The following HCN1 variants were observed in gnomAD, a reference collection of about 807,000 sequenced individuals.
HCN1 encodes the protein hyperpolarization activated cyclic nucleotide gated potassium channel 1, also known as potassium/sodium hyperpolarization-activated cyclic nucleotide-gated channel 1.
A neutral mutation model predicts 78.9 loss-of-function variants in HCN1; 13 were observed. The observed-to-expected ratio is 0.16, with a 90% CI of 0.11 to 0.26. HCN1 has a LOEUF of 0.26. HCN1 is among the 10% of genes least tolerant of loss of function. The pLI is 1.00. For synonymous variants in HCN1, 552 were observed against 455.5 expected (o/e 1.21, Z -2.70); for missense variants, 810 against 1,154.3 (o/e 0.70, Z 4.32).
chr5:45,306,222 A>G (rs1745731031), intron 5 of HCN1, among the ~76,000 whole-genome samples: 1 of 152,134 alleles, frequency 6.6e-6, no homozygotes. Flanking sequence ...TCATATAAAA[A>G]TAATAGAGAA....
At chr5:45,683,967 G>T (rs940692026) in intron 1 of HCN1, among the ~76,000 whole-genome samples, 1 of 152,086 alleles carries the variant, frequency 6.6e-6, no homozygotes, top group African/African-American at 2.4e-5. Context: ...CACCGTGCCT[G>T]GTCCCGCTTC....
chr5:45,423,644 T>A (rs1205501421), intron 3 of HCN1, among the ~76,000 whole-genome samples: 3 of 152,216 alleles, frequency 2.0e-5, no homozygotes, highest in African/African-American at 7.2e-5. Context: ...AGACTTGCTA[T>A]ACAAATTCTC....
intron 3 of HCN1, among the ~76,000 whole-genome samples, chr5:45,450,367 A>G (rs1740892310): frequency 6.6e-6 from 1 of 152,230 alleles, no homozygotes; most frequent in Non-Finnish European, 1.5e-5. Flanking sequence ...AATAGAAGGT[A>G]GTACAAGTAA....
intron 2 of HCN1, among the ~76,000 whole-genome samples, chr5:45,547,461 T>A (rs887889107): frequency 2.1e-4 from 32 of 152,078 alleles, no homozygotes; most frequent in African/African-American, 7.2e-4. Context: ...ATGCGTTTAA[T>A]ACTAGCGGAG....
intron 1 of HCN1, among the ~76,000 whole-genome samples, chr5:45,684,882 A>C (rs1157112616): frequency 6.6e-6 from 1 of 152,190 alleles, no homozygotes; most frequent in African/African-American, 2.4e-5. Context: ...TAAACAAAAA[A>C]CTAATCAAGT....
chr5:45,367,826 G>T (rs1458926980), intron 4 of HCN1, among the ~76,000 whole-genome samples: 1 of 151,862 alleles, frequency 6.6e-6, no homozygotes, highest in Non-Finnish European at 1.5e-5. Flanking sequence ...AAACTTCACA[G>T]CAATAATTGA....
At chr5:45,398,068 G>GA (rs1739719520) in intron 3 of HCN1, among the ~76,000 whole-genome samples, 1 of 151,674 alleles carries the variant, frequency 6.6e-6, no homozygotes, top group South Asian at 2.1e-4. Context: ...TAGGCTGTGA[G>GA]ATTAGGGTCA....
At chr5:45,271,111 G>A (rs920339094) in intron 6 of HCN1, among the ~76,000 whole-genome samples, 9 of 152,090 alleles carry the variant, frequency 5.9e-5, no homozygotes, top group African/African-American at 1.4e-4. Context: ...AAATGTGTAC[G>A]TGTGTTATGA....
chr5:45,685,476 G>A (rs1229135640), intron 1 of HCN1, among the ~76,000 whole-genome samples: 1 of 152,176 alleles, frequency 6.6e-6, no homozygotes, highest in South Asian at 2.1e-4. Context: ...CACTTTAGGA[G>A]GCCGAGCCGG....
intron 1 of HCN1, among the ~76,000 whole-genome samples, chr5:45,661,110 G>T (rs1000768560): frequency 1.3e-5 from 2 of 148,710 alleles, no homozygotes; most frequent in African/African-American, 5.0e-5. Flanking sequence ...CTGTCTCTCA[G>T]ACCACGGTGC....
At chr5:45,455,636 G>T (rs1579906481) in intron 3 of HCN1, among the ~76,000 whole-genome samples, 1 of 151,668 alleles carries the variant, frequency 6.6e-6, no homozygotes, top group East Asian at 1.9e-4. Context: ...AGGGGTTGAG[G>T]TAATTCCGAT....
chr5:45,313,499 A>G lies in HCN1; in HGVS notation c.1378-9660T>C, dbSNP rs192306285. 6.6e-4 allele frequency among the ~76,000 whole-genome samples: 101 copies of G among 152,348 alleles called. 1 individual carries two copies. In the East Asian group the frequency reaches 0.012, roughly 18 times the overall value. ...AGGAATGCAGCTCCTCGCCAGCACC[A>G]GAACAAAGCTGGATGGAGAATGACT... On this transcript the variant is annotated intron_variant, in intron 5 of 7. Coordinates refer to ENST00000303230, the MANE Select transcript of HCN1 (RefSeq NM_021072.4).
chr5:45,300,488 A>G (rs1255961364), intron 6 of HCN1, among the ~76,000 whole-genome samples: 2 of 152,116 alleles, frequency 1.3e-5, no homozygotes, highest in Non-Finnish European at 2.9e-5. Context: ...AATAGTAAAT[A>G]TATTTTCTCT....
In HCN1 at chr5:45,314,406, A is replaced by C. The variant is rs1430397774; in HGVS notation, c.1378-10567T>G. ...ACGACCGGTACCAGCCATTGCAAAA[A>C]CATGCCACATTGTAAAGACCGTCAA... On this transcript the variant is annotated intron_variant, in intron 5 of 7. Coordinates refer to ENST00000303230, the MANE Select transcript of HCN1 (RefSeq NM_021072.4). Among the ~76,000 whole-genome samples the C allele has an allele frequency of 2.6e-5, 4 of 152,208 alleles. No homozygotes were observed. The East Asian group carries it at 7.7e-4, about 29-fold the overall frequency.
intron 5 of HCN1, among the ~76,000 whole-genome samples, chr5:45,334,056 C>G (rs572030877): frequency 6.6e-6 from 1 of 151,838 alleles, no homozygotes; most frequent in African/African-American, 2.4e-5. Flanking sequence ...TTACTTACCT[C>G]TTTTCTCCAA....
chr5:45,562,510 A>AAACT (rs1172510134), intron 2 of HCN1, among the ~76,000 whole-genome samples: 39 of 104,770 alleles, frequency 3.7e-4, no homozygotes, highest in Non-Finnish European at 6.4e-4. Flanking sequence ...CATGTCTACA[A>AAACT]AACAAACAAA....
intron 5 of HCN1, among the ~76,000 whole-genome samples, chr5:45,339,695 A>G (rs1403130253): frequency 6.6e-6 from 1 of 152,138 alleles, no homozygotes; most frequent in Non-Finnish European, 1.5e-5. Context: ...CAGGGAGAAA[A>G]GTTGTGACAG....
intron 3 of HCN1, among the ~76,000 whole-genome samples, chr5:45,419,139 C>T (rs530857451): frequency 6.6e-6 from 1 of 152,186 alleles, no homozygotes; most frequent in Non-Finnish European, 1.5e-5. Flanking sequence ...TTACAAGCTT[C>T]CTATGTTGAA....
intron 2 of HCN1, among the ~76,000 whole-genome samples, chr5:45,597,203 C>A (rs1305191551): frequency 6.6e-6 from 1 of 152,144 alleles, no homozygotes; most frequent in Non-Finnish European, 1.5e-5. Flanking sequence ...TGCAGCACAT[C>A]AAAAAGCTTA....
Sources: gnomAD v4.1 joint callset for allele counts (sites outside exome capture counted in the v4.1 genomes callset) on GRCh38, gnomAD v4.1.1 for gene constraint, MANE v1.5 for transcripts, NCBI Gene and HGNC (gene_info 2026-07-23, HGNC 2026-07-21) for gene names.